Variants in RORB observed in about 807,000 individuals in gnomAD.
RORB encodes the protein RAR related orphan receptor B.
A neutral mutation model predicts 59.1 loss-of-function variants in RORB; 6 were observed. That is an observed-to-expected ratio of 0.10 (90% CI 0.06 to 0.20). The LOEUF is 0.20. Among genes scored for constraint, RORB ranks in the 10% least tolerant of loss-of-function variants. The probability of loss-of-function intolerance (pLI) is 1.00; values close to 1 mark genes in which losing one functional copy is unlikely to be tolerated. For synonymous variants in RORB, 215 were observed against 204.5 expected, an observed-to-expected ratio of 1.05 and a Z score of -0.44; for missense variants, 320 against 560.5, an observed-to-expected ratio of 0.57 and a Z score of 4.33.
intron 1 of RORB, among the ~76,000 whole-genome samples, chr9:74,553,871 C>T (rs1826649595): frequency 1.3e-5 from 2 of 152,144 alleles, no homozygotes. Flanking sequence ...AATATGCAAC[C>T]ATCTAGAACT....
At position 74,690,618 on chromosome 9, in the gene RORB, G is replaced by C. The variant is rs1229588887; in HGVS notation, c.*5000G>C. The C allele has an allele frequency of 6.6e-6, 1 of 152,174 alleles. No individual in the cohort carries two copies. Among genetic ancestry groups the C allele is most frequent in the Admixed American group, 6.5e-5 (1 of 15,272 alleles). The allele number at this position is 152,174 out of a possible 1,614,324, so 9.4% of individuals were successfully genotyped here. A position where few individuals can be genotyped will look rare whatever the true frequency, so the allele number is the denominator to read the frequency against. On this transcript the variant is annotated 3_prime_UTR_variant, in exon 10 of 10. Coordinates refer to ENST00000376896, the MANE Select transcript of RORB (RefSeq NM_006914.4). The stretch of plus-strand genomic sequence containing the variant: ...AATCGCATCTGGGGCCAGCTCAACT[G>C]CAGCAAGTCTGGTCAGATTCAACCC...
chr9:74,538,589 AATT>A (rs1826357390), intron 1 of RORB, among the ~76,000 whole-genome samples: 1 of 152,120 alleles, frequency 6.6e-6, no homozygotes, highest in African/African-American at 2.4e-5. Context: ...ATTTATTAGC[AATT>A]ATTAATTAAT....
chr9:74,597,440 G>T (rs1215354080), intron 1 of RORB, among the ~76,000 whole-genome samples: 2 of 152,108 alleles, frequency 1.3e-5, no homozygotes, highest in African/African-American at 4.8e-5. Flanking sequence ...CAGAATAAAT[G>T]AAATTTTTAA....
At chr9:74,527,939 G>A (rs1685184573) in intron 1 of RORB, among the ~76,000 whole-genome samples, 2 of 152,014 alleles carry the variant, frequency 1.3e-5, no homozygotes, top group Non-Finnish European at 1.5e-5. Context: ...GAGTGGTGAC[G>A]TAATTTCACA....
intron 1 of RORB, among the ~76,000 whole-genome samples, chr9:74,586,194 T>C (rs372934597): frequency 6.6e-6 from 1 of 152,156 alleles, no homozygotes; most frequent in Non-Finnish European, 1.5e-5. Flanking sequence ...TTAACAGATA[T>C]ATTGTAGAGA....
chr9:74,611,104 C>T (rs558786573), intron 1 of RORB, among the ~76,000 whole-genome samples: 5 of 152,202 alleles, frequency 3.3e-5, no homozygotes, highest in South Asian at 2.1e-4. Context: ...ATACTAGGGA[C>T]GGTTGTAAGC....
intron 9 of RORB, among the ~76,000 whole-genome samples, chr9:74,683,064 T>C (rs1178215186): frequency 1.3e-5 from 2 of 152,038 alleles, no homozygotes; most frequent in African/African-American, 4.8e-5. Flanking sequence ...CCTCTAGGAG[T>C]AGGTCCCAGT....
chr9:74,668,718 A>G (rs1318076451), intron 8 of RORB, among the ~76,000 whole-genome samples: 1 of 152,196 alleles, frequency 6.6e-6, no homozygotes, highest in Admixed American at 6.5e-5. Context: ...GGTCTTCATC[A>G]TGGTCGTCTT....
At chr9:74,499,601 C>A (rs757854084) in intron 1 of RORB, among the ~76,000 whole-genome samples, 35 of 152,146 alleles carry the variant, frequency 2.3e-4, no homozygotes, top group Non-Finnish European at 3.8e-4. Context: ...CTGATTGTCC[C>A]GGTTGGGGGT....
At chr9:74,527,631 C>A (rs901824045) in intron 1 of RORB, among the ~76,000 whole-genome samples, 1 of 151,912 alleles carries the variant, frequency 6.6e-6, no homozygotes, top group African/African-American at 2.4e-5. Context: ...TTTAGCTCAA[C>A]CCCCTGGTTT....
chr9:74,564,374 A>G (rs943555341), intron 1 of RORB, among the ~76,000 whole-genome samples: 2 of 152,262 alleles, frequency 1.3e-5, no homozygotes, highest in African/African-American at 4.8e-5. Context: ...TGTTCAAAGT[A>G]ATAATGCCTA....
intron 1 of RORB, among the ~76,000 whole-genome samples, chr9:74,554,213 G>T (rs192465290): frequency 2.0e-5 from 3 of 152,222 alleles, no homozygotes; most frequent in African/African-American, 7.2e-5. Flanking sequence ...TTTGCTTGGG[G>T]TGATCCAGCT....
chr9:74,680,689 GA>G (rs1200624683), intron 9 of RORB, among the ~76,000 whole-genome samples: 1 of 152,062 alleles, frequency 6.6e-6, no homozygotes, highest in Non-Finnish European at 1.5e-5. Context: ...AAAAGAAAAG[GA>G]AATCAAATGG....
At chr9:74,567,697 A>G (rs766547761) in intron 1 of RORB, among the ~76,000 whole-genome samples, 7 of 152,118 alleles carry the variant, frequency 4.6e-5, no homozygotes, top group Non-Finnish European at 7.4e-5. Flanking sequence ...TCATTCTGAG[A>G]CTTTGTTCCC....
At chr9:74,517,450 G>C (rs1826025535) in intron 1 of RORB, among the ~76,000 whole-genome samples, 1 of 151,988 alleles carries the variant, frequency 6.6e-6, no homozygotes, top group Non-Finnish European at 1.5e-5. Flanking sequence ...GTGGATATTA[G>C]CACCTTGTTA....
chr9:74,669,990 T>A (rs1280792733), intron 8 of RORB, among the ~76,000 whole-genome samples: 1 of 152,194 alleles, frequency 6.6e-6, no homozygotes, highest in Non-Finnish European at 1.5e-5. Flanking sequence ...TTATCAAAAA[T>A]GGAAATTAGT....
chr9:74,599,000 C>A (rs1587378223), intron 1 of RORB, among the ~76,000 whole-genome samples: 1 of 152,152 alleles, frequency 6.6e-6, no homozygotes, highest in Admixed American at 6.5e-5. Flanking sequence ...CTTGTGAAAT[C>A]TCTCTCACGA....
intron 1 of RORB, among the ~76,000 whole-genome samples, chr9:74,522,035 G>A (rs1478997282): frequency 6.6e-6 from 1 of 151,702 alleles, no homozygotes; most frequent in East Asian, 1.9e-4. Flanking sequence ...TCACACCACT[G>A]ATACATTCAA....
intron 1 of RORB, among the ~76,000 whole-genome samples, chr9:74,500,703 C>T (rs868198547): frequency 6.6e-6 from 1 of 152,106 alleles, no homozygotes; most frequent in Non-Finnish European, 1.5e-5. Flanking sequence ...CCTATTCCCA[C>T]CCCCTACTCC....
Sources: allele counts gnomAD v4.1 joint callset (sites outside exome capture counted in the v4.1 genomes callset), GRCh38; gene constraint gnomAD v4.1.1; transcripts MANE v1.5; gene names NCBI Gene and HGNC (gene_info 2026-07-23, HGNC 2026-07-21).